INPP5A: variants seen among roughly 807,000 people sequenced by gnomAD.
INPP5A encodes 43 kDa inositol polyphosphate 5-phophatase.
Under a neutral mutation model 65.2 loss-of-function variants are expected in INPP5A, and 14 were observed. That is an observed-to-expected ratio of 0.21 (90% CI 0.14 to 0.34). The LOEUF is 0.34. Ranked by LOEUF, INPP5A falls within the 10% of genes least tolerant of loss-of-function variation. The pLI is 1.00. For synonymous variants in INPP5A, 207 were observed against 208.3 expected, an observed-to-expected ratio of 0.99 and a Z score of 0.05; for missense variants, 431 against 545.6, an observed-to-expected ratio of 0.79 and a Z score of 2.09.
chr10:132,648,513 C>T (rs2072529684), intron 3 of INPP5A, among the ~76,000 whole-genome samples: 1 of 152,142 alleles, frequency 6.6e-6, no homozygotes. Context: ...TATCTGGCAC[C>T]CTTCTCTCTC....
intron 4 of INPP5A, among the ~76,000 whole-genome samples, chr10:132,683,912 G>T (rs1461019344): frequency 6.6e-6 from 1 of 152,098 alleles, no homozygotes; most frequent in Non-Finnish European, 1.5e-5. Context: ...ATGGGGTTTC[G>T]CCATGTTGGC....
chr10:132,634,683 A>G (rs1051056655), intron 2 of INPP5A, among the ~76,000 whole-genome samples: 8 of 152,158 alleles, frequency 5.3e-5, no homozygotes, highest in African/African-American at 1.9e-4. Flanking sequence ...TATTAGCCAT[A>G]TACACATTTG....
At chr10:132,719,481 C>A (rs574882313) in intron 8 of INPP5A, among the ~76,000 whole-genome samples, 47 of 94,106 alleles carry the variant, frequency 5.0e-4, no homozygotes, top group South Asian at 2.2e-3. Context: ...GGCTGTCTTG[C>A]GGGTTCTGTG....
intron 2 of INPP5A, among the ~76,000 whole-genome samples, chr10:132,641,644 A>C (rs907498514): frequency 1.2e-4 from 19 of 152,338 alleles, no homozygotes; most frequent in African/African-American, 4.6e-4. Flanking sequence ...CGTGTTGTAA[A>C]CTGTGCGTGG....
chr10:132,708,417 T>A (rs753370707), intron 7 of INPP5A, 52 bp downstream of exon 7: 8 of 1,550,266 alleles, frequency 5.2e-6, no homozygotes, highest in Non-Finnish European at 7.1e-6. Flanking sequence ...TACCCTTTTA[T>A]ATCTTGCACC....
At chr10:132,598,349 T>C (rs1226865933) in intron 1 of INPP5A, among the ~76,000 whole-genome samples, 1 of 152,202 alleles carries the variant, frequency 6.6e-6, no homozygotes, top group African/African-American at 2.4e-5. Flanking sequence ...CATCTCCAGA[T>C]CTCTTTTAAT....
chr10:132,584,808 TC>T (rs1313917951), intron 1 of INPP5A, among the ~76,000 whole-genome samples: 1 of 152,190 alleles, frequency 6.6e-6, no homozygotes, highest in Non-Finnish European at 1.5e-5. Flanking sequence ...CACTCACAGT[TC>T]CCTGCCTCAA....
intron 4 of INPP5A, among the ~76,000 whole-genome samples, chr10:132,652,929 G>C (rs561370029): frequency 4.3e-4 from 65 of 152,326 alleles, no homozygotes; most frequent in Non-Finnish European, 7.1e-4. Flanking sequence ...CGACAGGGCT[G>C]GGTGGAGACG....
chr10:132,732,806 T>G (rs1354890937), intron 9 of INPP5A, among the ~76,000 whole-genome samples: 3 of 152,144 alleles, frequency 2.0e-5, no homozygotes, highest in East Asian at 3.9e-4. Flanking sequence ...GTGCAGGCTC[T>G]CCGGAGGGTC....
At chr10:132,774,355 C>A (rs1009272214) in intron 12 of INPP5A, among the ~76,000 whole-genome samples, 1 of 152,200 alleles carries the variant, frequency 6.6e-6, no homozygotes, top group Non-Finnish European at 1.5e-5. Context: ...TACACAAGAG[C>A]GGCGTGGTAA....
intron 2 of INPP5A, among the ~76,000 whole-genome samples, chr10:132,629,602 A>G (rs1427904432): frequency 6.6e-6 from 1 of 152,162 alleles, no homozygotes; most frequent in Non-Finnish European, 1.5e-5. Context: ...GTGGCTGTGG[A>G]ATGAGTGTTC....
intron 1 of INPP5A, among the ~76,000 whole-genome samples, chr10:132,607,142 G>A (rs891884715): frequency 1.8e-4 from 27 of 152,338 alleles, no homozygotes; most frequent in Non-Finnish European, 3.4e-4. Flanking sequence ...GAGCCCAGGA[G>A]CAGCCAGGTG....
rs184107059 is a variant in INPP5A, at chr10:132,608,059, C to T, written c.117+103C>T. Reference sequence around the variant, plus strand: ...TGGAGTCTGGTGTGTCTATGGGGAGCGCAGGCCTGGGCTGTGGCTGGGTCT... The same window carrying T: ...TGGAGTCTGGTGTGTCTATGGGGAGTGCAGGCCTGGGCTGTGGCTGGGTCT... On this transcript the variant is annotated intron_variant, in intron 2 of 15. Coordinates refer to ENST00000368594, the MANE Select transcript of INPP5A (RefSeq NM_005539.5). The T allele has an allele frequency of 9.1e-5, 95 of 1,049,600 alleles. No individual in the cohort carries two copies. In the African/African-American group the frequency reaches 1.3e-3, roughly 14 times the overall value. 65.0% of individuals were successfully genotyped at this position (1,049,600 alleles called of 1,614,324 possible). A position where few individuals can be genotyped will look rare whatever the true frequency, so the allele number is the denominator to read the frequency against.
intron 13 of INPP5A, 185 bp downstream of exon 13, chr10:132,777,967 C>A: frequency 2.1e-6 from 3 of 1,414,862 alleles, no homozygotes; most frequent in East Asian, 2.5e-5. Flanking sequence ...TGAGCCAGCA[C>A]CTGGGCTGGG....
At chr10:132,560,841 T>A (rs1266830862) in intron 1 of INPP5A, among the ~76,000 whole-genome samples, 1 of 152,152 alleles carries the variant, frequency 6.6e-6, no homozygotes, top group Non-Finnish European at 1.5e-5. Context: ...ACTGTAGGCC[T>A]CAAGCAGTCC....
In INPP5A at chr10:132,706,919, T is replaced by C. The variant is rs1159190752; in HGVS notation, c.475-1394T>C. ...GATGAAGGGCGAGTGTCTGTAGGAG[T>C]TTGCCTGTGGAGGCTGTGGTGACCT... On this transcript the variant is annotated intron_variant, in intron 6 of 15. Transcript: ENST00000368594. The surrounding 1 kb of genome is among the most constrained non-coding windows in gnomAD (Gnocchi z 4.7). 2.6e-5 allele frequency among the ~76,000 whole-genome samples: 4 copies of C among 152,024 alleles called. No individual in the cohort carries two copies. The highest frequency in any genetic ancestry group is 5.9e-5 in the Non-Finnish European group (4 of 67,998).
At chr10:132,609,707 C>T (rs1425503589) in intron 2 of INPP5A, among the ~76,000 whole-genome samples, 5 of 152,118 alleles carry the variant, frequency 3.3e-5, no homozygotes, top group Non-Finnish European at 7.4e-5. Flanking sequence ...TGCAGTGTTG[C>T]GATCTCGGCT....
intron 2 of INPP5A, among the ~76,000 whole-genome samples, chr10:132,623,549 G>A (rs755736679): frequency 3.3e-5 from 5 of 151,984 alleles, no homozygotes; most frequent in Non-Finnish European, 5.9e-5. Context: ...AGTTCTAGAA[G>A]GAAACTTAAG....
chr10:132,655,916 C>T (rs1454301406), intron 4 of INPP5A, among the ~76,000 whole-genome samples: 3 of 152,340 alleles, frequency 2.0e-5, no homozygotes, highest in East Asian at 3.9e-4. Context: ...AGCCTGTGTC[C>T]TGGGCTCTAG....
Sources: gnomAD v4.1 joint callset for allele counts (sites outside exome capture counted in the v4.1 genomes callset) on GRCh38, gnomAD v4.1.1 for gene constraint, Gnocchi (gnomAD v3.1) non-coding constraint, MANE v1.5 for transcripts, NCBI Gene and HGNC (gene_info 2026-07-23, HGNC 2026-07-21) for gene names.